CPEB3: variants seen among roughly 807,000 people sequenced by gnomAD.
CPEB3 encodes the protein cytoplasmic polyadenylation element-binding protein 3.
CPEB3 carries 20 observed loss-of-function variants against 67.2 expected under a neutral mutation model. That is an observed-to-expected ratio of 0.30 (90% confidence interval 0.21 to 0.43). The LOEUF (loss-of-function observed/expected upper bound fraction) is 0.43. Among genes scored for constraint, CPEB3 ranks in the 20% least tolerant of loss-of-function variants. CPEB3 has a pLI of 1.00. For missense variants in CPEB3, 746 were observed against 968.6 expected, an observed-to-expected ratio of 0.77 and a Z score of 3.05; for synonymous variants, 376 against 393.1, an observed-to-expected ratio of 0.96 and a Z score of 0.51.
chr10:92,122,160 T>C (rs1330060373), intron 6 of CPEB3, among the ~76,000 whole-genome samples: 1 of 152,140 alleles, frequency 6.6e-6, no homozygotes, highest in Non-Finnish European at 1.5e-5. Flanking sequence ...TGGAGGTATC[T>C]CCTACAGGAC....
chr10:92,224,871 A>G (rs1368148151), intron 2 of CPEB3, among the ~76,000 whole-genome samples: 4 of 147,828 alleles, frequency 2.7e-5, no homozygotes, highest in African/African-American at 9.8e-5. Flanking sequence ...ATATATATAT[A>G]ACTTTATATA....
At chr10:92,127,501 C>A (rs1845658034) in intron 6 of CPEB3, among the ~76,000 whole-genome samples, 1 of 151,868 alleles carries the variant, frequency 6.6e-6, no homozygotes. Context: ...TATGGTGAGA[C>A]CCCCATCTCT....
intron 2 of CPEB3, among the ~76,000 whole-genome samples, chr10:92,203,735 A>G (rs1440703269): frequency 6.6e-6 from 1 of 151,922 alleles, no homozygotes; most frequent in Admixed American, 6.6e-5. Context: ...TTTGAGCTGA[A>G]GGAAGGCAAA....
At chr10:92,189,644 G>C (rs1784539599) in intron 3 of CPEB3, among the ~76,000 whole-genome samples, 2 of 151,134 alleles carry the variant, frequency 1.3e-5, no homozygotes, top group Non-Finnish European at 2.9e-5. Flanking sequence ...ATATCTGGAA[G>C]GATGTTAATA....
At chr10:92,135,872 G>A (rs1379146091) in intron 6 of CPEB3, among the ~76,000 whole-genome samples, 1 of 152,118 alleles carries the variant, frequency 6.6e-6, no homozygotes, top group Non-Finnish European at 1.5e-5. Context: ...GGACATGGAT[G>A]CAGCTGGAAA....
At position 92,049,335 on chromosome 10, in the gene CPEB3, A is replaced by C. The variant is rs1282905387; in HGVS notation, c.*2877T>G. 1 of 152,722 alleles carries C rather than the reference A, an allele frequency of 6.5e-6. No homozygotes were observed. The highest frequency in any genetic ancestry group is 3.4e-3 in the Middle Eastern group (1 of 294). The allele number at this position is 152,722 out of a possible 1,614,324, so 9.5% of individuals were successfully genotyped here. A position where few individuals can be genotyped will look rare whatever the true frequency, so the allele number is the denominator to read the frequency against. The stretch of plus-strand genomic sequence containing the variant: ...CTAGTTCAAGTGTCACACCAAGGAA[A>C]GGCCACAGCAGGACCTGTGTTACCC... On this transcript the variant is annotated 3_prime_UTR_variant, in exon 10 of 10. Coordinates refer to ENST00000265997, the MANE Select transcript of CPEB3 (RefSeq NM_014912.5).
chr10:92,106,347 C>T (rs746593161), intron 7 of CPEB3, among the ~76,000 whole-genome samples: 12 of 151,612 alleles, frequency 7.9e-5, no homozygotes, highest in African/African-American at 1.5e-4. Flanking sequence ...TTGACCACGG[C>T]AGGTACTCAA....
At chr10:92,228,061 T>A (rs889488930) in intron 2 of CPEB3, among the ~76,000 whole-genome samples, 7 of 152,118 alleles carry the variant, frequency 4.6e-5, no homozygotes, top group African/African-American at 1.7e-4. Context: ...TAATTTTTTG[T>A]ATTTTTAGTA....
In CPEB3 at chr10:92,102,235, G is replaced by C. The variant is rs569267147; in HGVS notation, c.1572+8841C>G. On this transcript the variant is annotated intron_variant, in intron 7 of 9. Transcript: ENST00000265997. ...CCTTAGTAAGACTATATCCTGGGTA[G>C]CTCTGGGGGCTTCAGTCAGACCTCC... Among the ~76,000 whole-genome samples, 5 of 152,268 alleles carry C rather than the reference G, an allele frequency of 3.3e-5. No homozygotes were observed. The South Asian group carries it at 1.0e-3, about 32-fold the overall frequency.
chr10:92,077,329 G>A (rs1389666017), intron 9 of CPEB3, among the ~76,000 whole-genome samples: 1 of 152,128 alleles, frequency 6.6e-6, no homozygotes, highest in Non-Finnish European at 1.5e-5. Context: ...AAGTACTACT[G>A]GCTATATTCT....
chr10:92,184,963 TG>T (rs1296787956), intron 3 of CPEB3, among the ~76,000 whole-genome samples: 5 of 152,208 alleles, frequency 3.3e-5, no homozygotes, highest in African/African-American at 1.2e-4. Context: ...CTTAATACAT[TG>T]TATATCTTAA....
At chr10:92,262,669 A>G (rs1286569608) in intron 1 of CPEB3, among the ~76,000 whole-genome samples, 1 of 152,132 alleles carries the variant, frequency 6.6e-6, no homozygotes, top group Non-Finnish European at 1.5e-5. Context: ...CAACATACAG[A>G]GATCTTGTCT....
intron 3 of CPEB3, among the ~76,000 whole-genome samples, chr10:92,186,987 C>A (rs1288464727): frequency 1.3e-5 from 2 of 152,124 alleles, no homozygotes; most frequent in African/African-American, 4.8e-5. Context: ...AGCAATAATT[C>A]AAGCCACAGA....
intron 2 of CPEB3, among the ~76,000 whole-genome samples, chr10:92,214,568 C>T (rs138756814): frequency 2.6e-5 from 4 of 151,740 alleles, no homozygotes; most frequent in Non-Finnish European, 4.4e-5. Context: ...CTGTAACCTC[C>T]GCCTCCCAGG....
intron 4 of CPEB3, among the ~76,000 whole-genome samples, chr10:92,179,796 G>GC (rs772120483): frequency 2.0e-5 from 3 of 152,222 alleles, no homozygotes; most frequent in Non-Finnish European, 4.4e-5. Context: ...CTCATTGGTT[G>GC]CATGTCAGAC....
chr10:92,227,630 G>A (rs1466006027), intron 2 of CPEB3, among the ~76,000 whole-genome samples: 3 of 146,996 alleles, frequency 2.0e-5, no homozygotes, highest in South Asian at 2.1e-4. Context: ...TCTCCCTGTC[G>A]CCCAGGCTGG....
At chr10:92,127,261 C>T (rs1198371652) in intron 6 of CPEB3, among the ~76,000 whole-genome samples, 3 of 151,670 alleles carry the variant, frequency 2.0e-5, no homozygotes, top group East Asian at 1.9e-4. Flanking sequence ...CAGCCTGGAC[C>T]CCATCTCTAC....
chr10:92,255,662 G>A (rs545152751), intron 1 of CPEB3, among the ~76,000 whole-genome samples: 2 of 152,248 alleles, frequency 1.3e-5, no homozygotes, highest in African/African-American at 4.8e-5. Context: ...ACCTAACCGT[G>A]GTGCACCACA....
At chr10:92,218,929 C>T (rs755672844) in intron 2 of CPEB3, among the ~76,000 whole-genome samples, 1 of 152,086 alleles carries the variant, frequency 6.6e-6, no homozygotes, top group Non-Finnish European at 1.5e-5. Flanking sequence ...GAACATAGAC[C>T]TATAGTGCAT....
Sources: allele counts gnomAD v4.1 joint callset (sites outside exome capture counted in the v4.1 genomes callset), GRCh38; gene constraint gnomAD v4.1.1; transcripts MANE v1.5; gene names NCBI Gene and HGNC (gene_info 2026-07-23, HGNC 2026-07-21).